KDM4C: variants seen among roughly 807,000 people sequenced by gnomAD.
KDM4C encodes lysine-specific demethylase 4C.
KDM4C carries 81 observed loss-of-function variants against 129.3 expected under a neutral mutation model. The observed-to-expected ratio is 0.63, with a 90% confidence interval of 0.52 to 0.75. The LOEUF is 0.75. KDM4C is among the 30% of genes least tolerant of loss of function. The probability of loss-of-function intolerance (pLI) is 0.00; values close to 1 mark genes in which losing one functional copy is unlikely to be tolerated. For missense variants in KDM4C, 1,457 were observed against 1,304.0 expected (o/e 1.12, Z -1.81); for synonymous variants, 573 against 456.1 (o/e 1.26, Z -3.26).
chr9:6,748,670 C>G (rs1461165923), intron 1 of KDM4C: 4 of 1,152,266 alleles, frequency 3.5e-6, no homozygotes, highest in Non-Finnish European at 2.6e-6. Context: ...AAACTGTATC[C>G]TTCTCAACAA....
At chr9:7,131,759 A>AG (rs976443011) in intron 19 of KDM4C, among the ~76,000 whole-genome samples, 1 of 144,862 alleles carries the variant, frequency 6.9e-6, no homozygotes, top group Non-Finnish European at 1.5e-5. Flanking sequence ...TCAGGACGTA[A>AG]AAAAAAAATG....
intron 1 of KDM4C, among the ~76,000 whole-genome samples, chr9:6,778,104 T>TTA (rs1384575713): frequency 6.6e-6 from 1 of 150,786 alleles, no homozygotes; most frequent in African/African-American, 2.4e-5. Context: ...TTTTTTTTTT[T>TTA]TTTGAGACAG....
chr9:6,809,852 G>A (rs878947458), intron 3 of KDM4C, among the ~76,000 whole-genome samples: 4 of 152,064 alleles, frequency 2.6e-5, no homozygotes, highest in South Asian at 4.2e-4. Context: ...ACAAAAATTA[G>A]CCAGGCAGGT....
intron 17 of KDM4C, among the ~76,000 whole-genome samples, chr9:7,083,806 A>G (rs866115997): frequency 6.0e-5 from 9 of 150,886 alleles, no homozygotes; most frequent in East Asian, 2.0e-4. Context: ...TTCCTTCCCT[A>G]TCATCACTTC....
chr9:7,084,572 A>G (rs536530069), intron 17 of KDM4C, among the ~76,000 whole-genome samples: 302 of 152,314 alleles, frequency 2.0e-3, no homozygotes, highest in Non-Finnish European at 3.0e-3. Context: ...GCTATCATCA[A>G]TGATTCCCAG....
rs1228332068 is a variant in KDM4C, at chr9:6,940,026, CTTCCTTCT to C, written c.922-40891_922-40884del. On this transcript the variant is annotated intron_variant, in intron 8 of 21. Transcript: ENST00000381309. ...CCTTCCTTCCTTCCTTCCTTCCTTC[CTTCCTTCT>C]TTCCTTCCTTCCCTCCTTCCCTCCT... Among the ~76,000 whole-genome samples, 392 of 134,166 alleles carry C rather than the reference CTTCCTTCT, an allele frequency of 2.9e-3. 2 individuals are homozygous for C. The highest frequency in any genetic ancestry group is 6.9e-3 in the African/African-American group (232 of 33,658). The allele number at this position is 134,166 out of a possible 152,430, so 88.0% of individuals were successfully genotyped here.
At chr9:6,789,047 T>C (rs896365810) in intron 1 of KDM4C, among the ~76,000 whole-genome samples, 3 of 135,010 alleles carry the variant, frequency 2.2e-5, no homozygotes, top group African/African-American at 8.4e-5. Context: ...CAGATTTTTG[T>C]TTTTTTTTTT....
intron 8 of KDM4C, among the ~76,000 whole-genome samples, chr9:6,928,381 C>G (rs1823024031): frequency 6.6e-6 from 1 of 152,158 alleles, no homozygotes; most frequent in Admixed American, 6.6e-5. Context: ...TGCCAGCAGG[C>G]TTTAAGTCTG....
At chr9:6,956,190 A>G (rs566720386) in intron 8 of KDM4C, among the ~76,000 whole-genome samples, 1 of 152,216 alleles carries the variant, frequency 6.6e-6, no homozygotes, top group African/African-American at 2.4e-5. Flanking sequence ...TGATACCACA[A>G]TGTGGTGACT....
chr9:6,863,014 A>G (rs1469094735), intron 5 of KDM4C, among the ~76,000 whole-genome samples: 1 of 152,206 alleles, frequency 6.6e-6, no homozygotes, highest in African/African-American at 2.4e-5. Flanking sequence ...GATACATAAT[A>G]GTTATACCTA....
intron 13 of KDM4C, among the ~76,000 whole-genome samples, chr9:7,012,903 C>G (rs935900911): frequency 1.3e-5 from 2 of 152,090 alleles, no homozygotes; most frequent in African/African-American, 4.8e-5. Context: ...ATAAACTGTT[C>G]TGTTCAGACA....
chr9:6,755,511 G>A (rs1453314174), upstream of KDM4C, among the ~76,000 whole-genome samples: 3 of 152,178 alleles, frequency 2.0e-5, 1 homozygote, highest in Non-Finnish European at 4.4e-5. Flanking sequence ...TGGCGCCACT[G>A]CACTCCAGCC....
At chr9:6,731,342 T>TC (rs1817328755) in intron 1 of KDM4C, among the ~76,000 whole-genome samples, 1 of 140,512 alleles carries the variant, frequency 7.1e-6, no homozygotes, top group African/African-American at 2.8e-5. Flanking sequence ...TTTTTTTTTT[T>TC]TGAGACTGAG....
intron 1 of KDM4C, among the ~76,000 whole-genome samples, chr9:6,778,800 G>A (rs991855042): frequency 2.9e-5 from 4 of 139,068 alleles, no homozygotes; most frequent in Non-Finnish European, 4.6e-5. Context: ...GTCTATCTAG[G>A]TGGAGATTTG....
intron 7 of KDM4C, 46 bp downstream of exon 7, chr9:6,888,109 A>G (rs746582046): frequency 9.6e-7 from 1 of 1,040,512 alleles, no homozygotes; most frequent in South Asian, 1.7e-5. Flanking sequence ...TTTGTGTAGG[A>G]TTTGTATTTA....
chr9:7,011,608 A>C (rs1563979087), intron 12 of KDM4C, 90 bp from the exon 13 acceptor site: 2 of 1,199,894 alleles, frequency 1.7e-6, no homozygotes, highest in African/African-American at 3.0e-5. Flanking sequence ...AATATCACAG[A>C]TTCTGTGGAA....
intron 4 of KDM4C, among the ~76,000 whole-genome samples, chr9:6,842,312 CTTTTTTTTTTTT>C (rs759138371): frequency 4.1e-5 from 4 of 97,876 alleles, no homozygotes; most frequent in South Asian, 3.5e-4. Flanking sequence ...ATCCACATTT[CTTTTTTTTTTTT>C]TTTTTTTTTT....
intron 8 of KDM4C, among the ~76,000 whole-genome samples, chr9:6,902,383 A>G (rs554328709): frequency 1.6e-4 from 24 of 152,198 alleles, no homozygotes; most frequent in Admixed American, 5.9e-4. Context: ...TGAAGAGCTT[A>G]GTAAATGTCC....
At position 7,011,773 on chromosome 9, in the gene KDM4C, G is replaced by A. The variant is rs1822746800; in HGVS notation, c.1862G>A (p.Trp621Ter). Residue 621 changes from tryptophan (W) to a stop codon, truncating the protein, a stop_gained, in exon 13 of 22, where the codon TGG becomes TAG. Coordinates refer to ENST00000381309, the MANE Select transcript of KDM4C (RefSeq NM_015061.6). LOFTEE classifies it high-confidence loss of function. ...ESWAKPLIHL[W>*]QTKSPNFAAE... ...TGGGCGAAACCTCTCATCCACCTTT[G>A]GCAGACGAAGTCCCCTAACTTCGCA... is the stretch of plus-strand genomic sequence containing the variant. The A allele has an allele frequency of 6.2e-7, 1 of 1,614,092 alleles. No individual in the cohort carries two copies. Among genetic ancestry groups the A allele is most frequent in the African/African-American group, 1.3e-5 (1 of 75,026 alleles).
Sources: allele counts gnomAD v4.1 joint callset (sites outside exome capture counted in the v4.1 genomes callset), GRCh38; gene constraint gnomAD v4.1.1; transcripts MANE v1.5; gene names NCBI Gene and HGNC (gene_info 2026-07-23, HGNC 2026-07-21).